ADAM28: variants seen among roughly 807,000 people sequenced by gnomAD.
ADAM28 encodes the protein ADAM metallopeptidase domain 28, also known as disintegrin and metalloproteinase domain-containing protein 28.
A neutral mutation model predicts 101.2 loss-of-function variants in ADAM28; 105 were observed. That is an observed-to-expected ratio of 1.04 (90% CI 0.89 to 1.22). The LOEUF is 1.22. ADAM28 is among the 50% of genes most tolerant of loss of function. The pLI is 0.00. For missense variants in ADAM28, 1,028 were observed against 945.4 expected, an observed-to-expected ratio of 1.09 and a Z score of -1.15; for synonymous variants, 322 against 310.6, an observed-to-expected ratio of 1.04 and a Z score of -0.39.
chr8:24,341,705 C>T lies in ADAM28; in HGVS notation c.1778C>T (p.Thr593Ile), dbSNP rs36041430. ...TGTAAAACATTTGATCCTGAAGACA[C>T]AAGTCAAGAAATAGGCATGGTGGCC... ...LTCKTFDPED[T>I]SQEIGMVANG... The change falls in exon 16 of 23, where the codon ACA becomes ATA. Residue 593 changes from threonine to isoleucine, a missense_variant. Transcript: ENST00000265769. 6.2e-7 allele frequency: 1 copy of T among 1,613,738 alleles called. No homozygotes were observed. Among genetic ancestry groups the T allele is most frequent in the Non-Finnish European group, 8.5e-7 (1 of 1,179,836 alleles).
At chr8:24,318,158 G>T (rs541824710) in intron 6 of ADAM28, among the ~76,000 whole-genome samples, 1 of 152,080 alleles carries the variant, frequency 6.6e-6, no homozygotes, top group South Asian at 2.1e-4. Context: ...CCTTTGATTG[G>T]CCAGAAGTTG....
At chr8:24,305,451 CTTTTTT>C (rs10654023) in intron 2 of ADAM28, among the ~76,000 whole-genome samples, 5 of 65,446 alleles carry the variant, frequency 7.6e-5, no homozygotes, top group South Asian at 6.0e-4. Flanking sequence ...TAAGAGGTTT[CTTTTTT>C]TTTTTTTTTT....
chr8:24,336,359 G>A (rs977038057), intron 14 of ADAM28, among the ~76,000 whole-genome samples: 7 of 151,650 alleles, frequency 4.6e-5, no homozygotes, highest in East Asian at 3.9e-4. Flanking sequence ...TGAGGCGGGC[G>A]GATCACGAGG....
chr8:24,332,618 A>C (rs756295023), intron 12 of ADAM28, 42 bp from the exon 13 acceptor site: 2 of 1,254,864 alleles, frequency 1.6e-6, no homozygotes, highest in Non-Finnish European at 2.2e-6. Context: ...ACTGGGACCA[A>C]AAAGTAATGT....
intron 1 of ADAM28, among the ~76,000 whole-genome samples, chr8:24,298,793 AG>A (rs1366562308): frequency 6.6e-6 from 1 of 152,218 alleles, no homozygotes; most frequent in Non-Finnish European, 1.5e-5. Flanking sequence ...GCTAAGGAGC[AG>A]GTCTATCGAC....
Position 24,335,613 on chromosome 8 carries a change from G to T in ADAM28, c.1539G>T (p.Gln513His), listed in dbSNP as rs990503773. The change falls in exon 14 of 23, where the codon CAG becomes CAT. Residue 513 changes from glutamine (Q) to histidine (H), a missense_variant. Transcript: ENST00000265769. ...TGATGGGGACATGCCCCACACTGCAGGAGCAGTGCACAGAGCTGTGGGGAC... is the reference window on the plus strand; with the variant it reads ...TGATGGGGACATGCCCCACACTGCATGAGCAGTGCACAGAGCTGTGGGGAC... Reference protein sequence around the residue: ...HCLMGTCPTLQEQCTELWGPG... With the variant: ...HCLMGTCPTLHEQCTELWGPG... The T allele has an allele frequency of 6.2e-7, 1 of 1,612,664 alleles. No homozygotes were observed.
At chr8:24,297,818 T>A (rs1477951050) in intron 1 of ADAM28, among the ~76,000 whole-genome samples, 2 of 152,244 alleles carry the variant, frequency 1.3e-5, no homozygotes, top group Admixed American at 1.3e-4. Flanking sequence ...AAATTTTAAC[T>A]CAGAAAAAGA....
chr8:24,295,929 T>G (rs1807902937), intron 1 of ADAM28: 1 of 152,222 alleles, frequency 6.6e-6, no homozygotes, highest in Admixed American at 6.5e-5. Flanking sequence ...AATACATATG[T>G]GCCCCTCTGA....
chr8:24,345,229 G>T (rs1214738146), intron 18 of ADAM28, among the ~76,000 whole-genome samples: 1 of 151,824 alleles, frequency 6.6e-6, no homozygotes, highest in East Asian at 1.9e-4. Context: ...TTAAACTGAG[G>T]ATTTGCTTTT....
At chr8:24,320,750 C>G (rs1811759176) in intron 7 of ADAM28, among the ~76,000 whole-genome samples, 1 of 151,946 alleles carries the variant, frequency 6.6e-6, no homozygotes, top group African/African-American at 2.4e-5. Flanking sequence ...TGTTTATCTT[C>G]TACTGTAAGA....
At chr8:24,350,876 T>TGG (rs757036737) in intron 19 of ADAM28, among the ~76,000 whole-genome samples, 9,167 of 59,686 alleles carry the variant, frequency 0.15, 380 homozygotes, top group Non-Finnish European at 0.23. Flanking sequence ...TTTTTTTTTT[T>TGG]TTTTTTTTTT....
In ADAM28 at chr8:24,350,311, C is replaced by T. The variant is rs1411053040; in HGVS notation, c.2099+339C>T. 4.6e-5 allele frequency among the ~76,000 whole-genome samples: 7 copies of T among 152,020 alleles called. No individual in the cohort carries two copies. In the East Asian group the frequency reaches 7.8e-4, roughly 17 times the overall value. ...ACGATGAGCACTGTGCTAAGCACCG[C>T]CCCACCCACTTTTTTTTGAGACAAG... On this transcript the variant is annotated intron_variant, in intron 19 of 22. Transcript: ENST00000265769.
At chr8:24,327,212 C>A (rs1812740303) in intron 10 of ADAM28, among the ~76,000 whole-genome samples, 1 of 152,084 alleles carries the variant, frequency 6.6e-6, no homozygotes, top group African/African-American at 2.4e-5. Flanking sequence ...GATACACAGT[C>A]AATGTGCAAA....
Position 24,329,867 on chromosome 8 carries a change from GTT to G in ADAM28, c.973-116_973-115del, listed in dbSNP as rs879227216. ...TTGCTCTGTGTGTGTGTGTGTGTGT[GTT>G]TGTGTGTGTGTGTGTGTGAGAGAGA... On this transcript the variant is annotated intron_variant, in intron 10 of 22. Coordinates refer to ENST00000265769, the MANE Select transcript of ADAM28 (RefSeq NM_014265.6). 1.1e-3 allele frequency: 925 copies of G among 826,680 alleles called. 4 individuals carry two copies. The highest frequency in any genetic ancestry group is 7.8e-3 in the South Asian group (420 of 53,620). 51.2% of individuals were successfully genotyped at this position (826,680 alleles called of 1,614,324 possible).
chr8:24,326,454 G>T (rs2129297180), intron 9 of ADAM28, 100 bp from the exon 10 acceptor site: 1 of 1,067,788 alleles, frequency 9.4e-7, no homozygotes, highest in East Asian at 2.5e-5. Context: ...ATGGTTCACA[G>T]TGAGTTTTTC....
In ADAM28 at chr8:24,351,920, A is replaced by G; in HGVS notation, c.2179-67A>G. The G allele has an allele frequency of 1.9e-6, 3 of 1,560,932 alleles. No homozygotes were observed. In the Admixed American group the frequency reaches 5.0e-5, roughly 26 times the overall value. On this transcript the variant is annotated intron_variant, in intron 20 of 22. Coordinates refer to ENST00000265769, the MANE Select transcript of ADAM28 (RefSeq NM_014265.6). The stretch of plus-strand genomic sequence containing the variant: ...CCATGCCTTGAAAAGTGCTTACTTA[A>G]AAATTACTTAAAAACTGTGCTTATG...
In ADAM28 at chr8:24,320,260, G is replaced by A. The variant is rs763653445; in HGVS notation, c.601G>A (p.Glu201Lys). Reference sequence around the variant, plus strand: ...GAAATTGAAAGACAGGAAGGTTCAGGAACATGAGAAATACATAGAATATTA... The same window carrying A: ...GAAATTGAAAGACAGGAAGGTTCAGAAACATGAGAAATACATAGAATATTA... ...LVKLKDRKVQ[E>K]HEKYIEYYLV... Residue 201 changes from glutamate (E) to lysine (K), a missense_variant, in exon 7 of 23, where the codon GAA becomes AAA. Physicochemically the swap from Glu to Lys is moderately conservative, Grantham distance 56. Transcript: ENST00000265769. The A allele has an allele frequency of 2.5e-6, 4 of 1,600,860 alleles. No homozygotes were observed. The East Asian group carries it at 6.7e-5, about 27-fold the overall frequency.
At position 24,357,031 on chromosome 8, in the gene ADAM28, G is replaced by A. The variant is rs913884765; in HGVS notation, c.*2627G>A. The A allele has an allele frequency of 6.6e-6, 1 of 152,126 alleles. No individual in the cohort carries two copies. Among genetic ancestry groups the A allele is most frequent in the Non-Finnish European group, 1.5e-5 (1 of 68,024 alleles). The allele number at this position is 152,126 out of a possible 1,614,324, so 9.4% of individuals were successfully genotyped here. A position where few individuals can be genotyped will look rare whatever the true frequency, so the allele number is the denominator to read the frequency against. ...ACTGCTATGTGTTAAGGAATTGAAG[G>A]TGGCCTCTGGCTAGCAGCCATTAAG... On this transcript the variant is annotated 3_prime_UTR_variant, in exon 23 of 23. Transcript: ENST00000265769.
chr8:24,294,759 C>T (rs1442463867), intron 1 of ADAM28, among the ~76,000 whole-genome samples: 1 of 152,062 alleles, frequency 6.6e-6, no homozygotes, highest in Non-Finnish European at 1.5e-5. Flanking sequence ...CTCTGTTAAG[C>T]TTAAATTGAT....
Sources: allele counts gnomAD v4.1 joint callset (sites outside exome capture counted in the v4.1 genomes callset), GRCh38; gene constraint gnomAD v4.1.1; transcripts MANE v1.5; gene names NCBI Gene and HGNC (gene_info 2026-07-23, HGNC 2026-07-21).